The following GRB10 variants were observed in gnomAD, a reference collection of about 807,000 sequenced individuals.
The protein encoded by GRB10 is growth factor receptor-bound protein 10.
GRB10 carries 20 observed loss-of-function variants against 80.9 expected under a neutral mutation model. The observed-to-expected ratio is 0.25, with a 90% CI of 0.17 to 0.36. The LOEUF is 0.36. GRB10 is among the 10% of genes least tolerant of loss of function. The pLI is 1.00. For missense variants in GRB10, 548 were observed against 747.7 expected (o/e 0.73, Z 3.12); for synonymous variants, 291 against 291.5 (o/e 1.00, Z 0.02).
intron 6 of GRB10, among the ~76,000 whole-genome samples, chr7:50,671,599 C>A (rs1257679954): frequency 6.6e-6 from 1 of 152,234 alleles, no homozygotes; most frequent in Non-Finnish European, 1.5e-5. Flanking sequence ...ACAAATCCCA[C>A]TCTTCCCATA....
chr7:50,710,763 G>A, intron 4 of GRB10: 2 of 1,185,606 alleles, frequency 1.7e-6, no homozygotes, highest in Non-Finnish European at 2.5e-6. Context: ...CCTTCCTGAG[G>A]CAGAACGACC....
At chr7:50,637,071 GCCT>G (rs1382826088) in intron 7 of GRB10, among the ~76,000 whole-genome samples, 1 of 152,090 alleles carries the variant, frequency 6.6e-6, no homozygotes, top group Non-Finnish European at 1.5e-5. Context: ...CCATCTCCTG[GCCT>G]CAAGTGATCC....
chr7:50,761,210 T>A (rs191856395), intron 2 of GRB10, among the ~76,000 whole-genome samples: 8 of 152,368 alleles, frequency 5.3e-5, no homozygotes, highest in African/African-American at 1.9e-4. Context: ...CCTGGATGTA[T>A]GAATCCCTGC....
chr7:50,690,356 T>C (rs1168718550), intron 5 of GRB10, among the ~76,000 whole-genome samples: 2 of 152,044 alleles, frequency 1.3e-5, no homozygotes, highest in Non-Finnish European at 2.9e-5. Flanking sequence ...AAGGTTAATT[T>C]AGGCAAAGTA....
chr7:50,690,168 T>C (rs916075311), intron 5 of GRB10, among the ~76,000 whole-genome samples: 4 of 151,958 alleles, frequency 2.6e-5, no homozygotes, highest in Non-Finnish European at 5.9e-5. Context: ...TGGTGGTGCA[T>C]GCTTGTAGTC....
intron 5 of GRB10, among the ~76,000 whole-genome samples, chr7:50,695,581 A>C (rs1034929352): frequency 2.0e-5 from 3 of 152,132 alleles, no homozygotes; most frequent in Admixed American, 1.3e-4. Flanking sequence ...CTCCTAGGTA[A>C]ATGGACTTAC....
chr7:50,790,964 A>G (rs1403996483), intron 1 of GRB10, among the ~76,000 whole-genome samples: 1 of 152,202 alleles, frequency 6.6e-6, no homozygotes, highest in African/African-American at 2.4e-5. Context: ...GTAGACACAG[A>G]CATAGCTCTT....
At chr7:50,754,788 C>G (rs1262290933) in intron 3 of GRB10, among the ~76,000 whole-genome samples, 2 of 152,164 alleles carry the variant, frequency 1.3e-5, no homozygotes, top group African/African-American at 4.8e-5. Context: ...AACTGCGTTC[C>G]CAAACATTCC....
intron 3 of GRB10, among the ~76,000 whole-genome samples, chr7:50,750,237 G>A (rs576185057): frequency 3.3e-5 from 5 of 152,330 alleles, no homozygotes; most frequent in Admixed American, 6.5e-5. Flanking sequence ...AAGGCAGCAA[G>A]TTCTTTGCAA....
chr7:50,768,907 A>G (rs2076671662), intron 2 of GRB10, among the ~76,000 whole-genome samples: 1 of 152,156 alleles, frequency 6.6e-6, no homozygotes, highest in Non-Finnish European at 1.5e-5. Context: ...CTCCTTTTCT[A>G]TTTCAGGACG....
chr7:50,784,170 C>G (rs953774235), upstream of GRB10, among the ~76,000 whole-genome samples: 9 of 152,204 alleles, frequency 5.9e-5, no homozygotes, highest in Admixed American at 5.9e-4. Context: ...GCGCACCCCT[C>G]AGAGAAGATG....
intron 1 of GRB10, among the ~76,000 whole-genome samples, chr7:50,788,192 C>A (rs1255417827): frequency 6.6e-6 from 1 of 152,232 alleles, no homozygotes; most frequent in Non-Finnish European, 1.5e-5. Flanking sequence ...GGGAACTCTT[C>A]ACTTACAAAA....
chr7:50,602,758 T>C (rs937203131), intron 17 of GRB10, among the ~76,000 whole-genome samples: 6 of 152,236 alleles, frequency 3.9e-5, no homozygotes, highest in Admixed American at 2.0e-4. Context: ...TTTTAGATGA[T>C]AGTAAGAAAT....
At position 50,645,201 on chromosome 7, in the gene GRB10, C is replaced by A. The variant is rs554666521; in HGVS notation, c.505-18223G>T. Among the ~76,000 whole-genome samples the A allele has an allele frequency of 3.1e-3, 467 of 152,230 alleles. 2 individuals carry two copies. Among genetic ancestry groups the A allele is most frequent in the Non-Finnish European group, 5.7e-3 (391 of 68,026 alleles). On this transcript the variant is annotated intron_variant, in intron 7 of 18. Transcript: ENST00000401949. ...TGACGCTAATAATCTTTATACTGCC[C>A]ATAATTCATTTTTTAAAAAGCAAGC... is the stretch of plus-strand genomic sequence containing the variant.
intron 3 of GRB10, among the ~76,000 whole-genome samples, chr7:50,739,246 A>T (rs1213077297): frequency 6.6e-6 from 1 of 152,208 alleles, no homozygotes; most frequent in East Asian, 1.9e-4. Flanking sequence ...ACTGTCATAA[A>T]CTTCAAAAAT....
At chr7:50,665,633 G>A (rs1443694762) in intron 7 of GRB10, among the ~76,000 whole-genome samples, 2 of 152,212 alleles carry the variant, frequency 1.3e-5, no homozygotes, top group African/African-American at 2.4e-5. Flanking sequence ...CCCCACGTGG[G>A]GGTAGCAACG....
chr7:50,595,800 G>T, intron 17 of GRB10: 1 of 401,616 alleles, frequency 2.5e-6, no homozygotes, highest in East Asian at 5.2e-5. Flanking sequence ...GGTTAGGGCA[G>T]GGAAACTATA....
intron 7 of GRB10, among the ~76,000 whole-genome samples, chr7:50,663,545 A>C (rs76209786): frequency 0.019 from 2,874 of 152,272 alleles, 104 homozygotes; most frequent in African/African-American, 0.066. Context: ...GCTTCTAGAA[A>C]ACCTATTTCT....
chr7:50,644,228 A>G (rs1163515538), intron 7 of GRB10, among the ~76,000 whole-genome samples: 5 of 152,198 alleles, frequency 3.3e-5, no homozygotes, highest in Non-Finnish European at 1.5e-5. Context: ...CCAGGTGTCC[A>G]GGTGGGGTTC....
Sources: gnomAD v4.1 joint callset for allele counts (sites outside exome capture counted in the v4.1 genomes callset) on GRCh38, gnomAD v4.1.1 for gene constraint, MANE v1.5 for transcripts, NCBI Gene and HGNC (gene_info 2026-07-23, HGNC 2026-07-21) for gene names.